LDHAL6A: variants seen among roughly 807,000 people sequenced by gnomAD.
LDHAL6A encodes the protein L-lactate dehydrogenase A-like 6A.
LDHAL6A carries 19 observed loss-of-function variants against 28.2 expected under a neutral mutation model. The ratio of observed to expected loss-of-function variants is 0.67; its 90% CI spans 0.47 to 0.99. LDHAL6A has a LOEUF of 0.99. LDHAL6A is among the 50% of genes least tolerant of loss of function. The pLI, the probability that LDHAL6A is intolerant of heterozygous loss-of-function variation, is 0.00. For missense variants in LDHAL6A, 372 were observed against 398.6 expected, an observed-to-expected ratio of 0.93 and a Z score of 0.57; for synonymous variants, 144 against 134.4, an observed-to-expected ratio of 1.07 and a Z score of -0.49.
Position 18,466,651 on chromosome 11 carries a change from C to CAAAA in LDHAL6A, c.418+858_418+861dup, listed in dbSNP as rs67371371. 3.5e-3 allele frequency among the ~76,000 whole-genome samples: 277 copies of CAAAA among 79,258 alleles called. 1 individual carries two copies. The highest frequency in any genetic ancestry group is 8.3e-3 in the Middle Eastern group (1 of 120). 52.0% of individuals were successfully genotyped at this position (79,258 alleles called of 152,430 possible). A position where few individuals can be genotyped will look rare whatever the true frequency, so the allele number is the denominator to read the frequency against. On this transcript the variant is annotated intron_variant, in intron 3 of 6. Coordinates refer to ENST00000280706, the MANE Select transcript of LDHAL6A (RefSeq NM_144972.5). The stretch of plus-strand genomic sequence containing the variant: ...CCTGGGTCACAGTGAGACCCTGTCT[C>CAAAA]AAAAAAAAAAAAAAAAAAAAGTAGT...
intron 3 of LDHAL6A, among the ~76,000 whole-genome samples, chr11:18,471,075 A>G (rs547455287): frequency 6.6e-6 from 1 of 152,192 alleles, no homozygotes; most frequent in Non-Finnish European, 1.5e-5. Context: ...TATTATGCTG[A>G]TATGAATGTG....
chr11:18,474,917 T>A (rs200968221), intron 3 of LDHAL6A, among the ~76,000 whole-genome samples: 18 of 152,334 alleles, frequency 1.2e-4, no homozygotes, highest in South Asian at 8.3e-4. Flanking sequence ...ATTGATTTTT[T>A]AAAAATCTTT....
In LDHAL6A at chr11:18,456,467, C is replaced by T; in HGVS notation, c.-214C>T. 2 of 534,342 alleles carry T rather than the reference C, an allele frequency of 3.7e-6. No homozygotes were observed. Among genetic ancestry groups the T allele is most frequent in the Non-Finnish European group, 3.3e-6 (1 of 302,582 alleles). 33.1% of individuals were successfully genotyped at this position (534,342 alleles called of 1,614,324 possible). A position where few individuals can be genotyped will look rare whatever the true frequency, so the allele number is the denominator to read the frequency against. On this transcript the variant is annotated 5_prime_UTR_variant, in exon 1 of 7. Coordinates refer to ENST00000280706, the MANE Select transcript of LDHAL6A (RefSeq NM_144972.5). ...ACGCTTCCTTCTCCTTCCCCTGGTC[C>T]GCTTCATGGATGCTGAGCTGCCTGG...
At chr11:18,464,213 C>T (rs562074145) in intron 2 of LDHAL6A, 135 bp downstream of exon 2, 11 of 599,860 alleles carry the variant, frequency 1.8e-5, no homozygotes, top group African/African-American at 7.4e-5. Flanking sequence ...ACTCTCATAA[C>T]GTGTTCAGAT....
Position 18,475,216 on chromosome 11 carries a change from A to G in LDHAL6A, c.419-250A>G, listed in dbSNP as rs1302977889. The G allele has an allele frequency of 1.6e-5, 6 of 374,014 alleles. No homozygotes were observed. The Admixed American group carries it at 2.1e-4, about 13-fold the overall frequency. 23.2% of individuals were successfully genotyped at this position (374,014 alleles called of 1,614,324 possible). A position where few individuals can be genotyped will look rare whatever the true frequency, so the allele number is the denominator to read the frequency against. ...GAGTATTTGTTTATTCATATTTCTCAGAATTTTCTGTGGAGTGAACATTCT... is the reference window on the plus strand; with the variant it reads ...GAGTATTTGTTTATTCATATTTCTCGGAATTTTCTGTGGAGTGAACATTCT... On this transcript the variant is annotated intron_variant, in intron 3 of 6. Transcript: ENST00000280706.
At chr11:18,462,659 A>AAC (rs1565067325) in intron 1 of LDHAL6A, among the ~76,000 whole-genome samples, 20 of 137,436 alleles carry the variant, frequency 1.5e-4, no homozygotes, top group Non-Finnish European at 1.9e-4. Context: ...AACAAACAAA[A>AAC]AAAAAAACAA....
At position 18,477,825 on chromosome 11, in the gene LDHAL6A, G is replaced by C. The variant is rs1023051031; in HGVS notation, c.834+82G>C. The C allele has an allele frequency of 4.4e-6, 6 of 1,352,810 alleles. No individual in the cohort carries two copies. In the African/African-American group the frequency reaches 5.9e-5, roughly 13 times the overall value. The allele number at this position is 1,352,810 out of a possible 1,614,324, so 83.8% of individuals were successfully genotyped here. On this transcript the variant is annotated intron_variant, in intron 6 of 6. Transcript: ENST00000280706. ...ACATTTTTGAGGCACTCTGGTTTTG[G>C]GTTTGATCTCGTGGGAAGCACCTCT...
intron 1 of LDHAL6A, among the ~76,000 whole-genome samples, chr11:18,461,773 AC>A (rs562053339): frequency 1.1e-3 from 163 of 145,798 alleles, no homozygotes; most frequent in African/African-American, 3.9e-3. Context: ...AATCGCTTGA[AC>A]CCGGGAAGGT....
rs1320329256 is a variant in LDHAL6A, at chr11:18,468,014, CAT to C, written c.418+2212_418+2213del. ...ATGCATATATATACGTATATATATA[CAT>C]ATATATACGTATATATATATACATA... On this transcript the variant is annotated intron_variant, in intron 3 of 6. Transcript: ENST00000280706. Among the ~76,000 whole-genome samples the C allele has an allele frequency of 4.2e-4, 25 of 59,962 alleles. 2 individuals are homozygous for C. Among genetic ancestry groups the C allele is most frequent in the African/African-American group, 1.3e-3 (16 of 12,338 alleles). 39.3% of individuals were successfully genotyped at this position (59,962 alleles called of 152,430 possible).
At chr11:18,477,050 C>CA (rs1231532333) in intron 5 of LDHAL6A, among the ~76,000 whole-genome samples, 4 of 151,300 alleles carry the variant, frequency 2.6e-5, no homozygotes, top group Non-Finnish European at 5.9e-5. Context: ...CCTATCTCTA[C>CA]AAAAAAAATA....
intron 3 of LDHAL6A, among the ~76,000 whole-genome samples, chr11:18,472,084 C>T (rs902280547): frequency 6.6e-6 from 1 of 152,146 alleles, no homozygotes; most frequent in African/African-American, 2.4e-5. Context: ...GTTGGGTACC[C>T]TGGGACACAG....
Position 18,477,635 on chromosome 11 carries a change from C to T in LDHAL6A, c.726C>T (p.Val242=), listed in dbSNP as rs760986516. 43 of 1,608,094 alleles carry T rather than the reference C, an allele frequency of 2.7e-5. No individual in the cohort carries two copies. The highest frequency in any genetic ancestry group is 1.2e-4 in the Admixed American group (7 of 58,794). ...CTATCTACAGTGGCTATGAGATGGT[C>T]AAAATGAAAGGTTATACTTCTTGGG... ...KKVISSGYEM[V]KMKGYTSWGI... The change falls in exon 6 of 7, where the codon GTC becomes GTT. Residue 242 remains valine, a synonymous_variant. Transcript: ENST00000280706.
intron 1 of LDHAL6A, among the ~76,000 whole-genome samples, chr11:18,461,834 C>T (rs988541852): frequency 7.0e-6 from 1 of 143,750 alleles, no homozygotes; most frequent in Non-Finnish European, 1.5e-5. Context: ...GCCTGGGCAA[C>T]GAGCAAGATT....
In LDHAL6A at chr11:18,478,774, A is replaced by G. The variant is rs1376704612; in HGVS notation, c.903A>G (p.Thr301=). 4 of 1,613,278 alleles carry G rather than the reference A, an allele frequency of 2.5e-6. No homozygotes were observed. Among genetic ancestry groups the G allele is most frequent in the Non-Finnish European group, 3.4e-6 (4 of 1,179,370 alleles). The change falls in exon 7 of 7, where the codon ACA becomes ACG. Residue 301 remains threonine (T), a synonymous_variant. Coordinates refer to ENST00000280706, the MANE Select transcript of LDHAL6A (RefSeq NM_144972.5). The part of the protein sequence containing the change: ...VPCILGENGI[T]DLIKVKLTLE... Reference sequence around the variant, plus strand: ...GTATCCTGGGAGAGAATGGTATCACAGACCTCATAAAAGTAAAACTGACTC... The same window carrying G: ...GTATCCTGGGAGAGAATGGTATCACGGACCTCATAAAAGTAAAACTGACTC...
At chr11:18,476,637 A>C in intron 5 of LDHAL6A, 136 bp downstream of exon 5, 1 of 1,436,568 alleles carries the variant, frequency 7.0e-7, no homozygotes. Flanking sequence ...TTTCTGTGTG[A>C]TCATATTCAC....
At chr11:18,474,695 T>G (rs1292042991) in intron 3 of LDHAL6A, among the ~76,000 whole-genome samples, 1 of 152,102 alleles carries the variant, frequency 6.6e-6, no homozygotes, top group Admixed American at 6.5e-5. Flanking sequence ...CCTCTGATGC[T>G]GTTTTAAAAA....
At chr11:18,472,215 C>CT (rs1849271780) in intron 3 of LDHAL6A, among the ~76,000 whole-genome samples, 2 of 152,166 alleles carry the variant, frequency 1.3e-5, no homozygotes, top group African/African-American at 2.4e-5. Context: ...TGACGAACCT[C>CT]TTAAGGCCCA....
intron 3 of LDHAL6A, among the ~76,000 whole-genome samples, chr11:18,473,120 T>C (rs1849289517): frequency 6.6e-6 from 1 of 152,208 alleles, no homozygotes; most frequent in South Asian, 2.1e-4. Flanking sequence ...ATTCTATACA[T>C]AGAACACCTC....
chr11:18,477,812 C>T (rs563430213), intron 6 of LDHAL6A, 69 bp downstream of exon 6: 21 of 1,465,098 alleles, frequency 1.4e-5, no homozygotes, highest in African/African-American at 4.3e-5. Flanking sequence ...ATTTTTGAGG[C>T]ACTCTGGTTT....
Sources: allele counts gnomAD v4.1 joint callset (sites outside exome capture counted in the v4.1 genomes callset), GRCh38; gene constraint gnomAD v4.1.1; transcripts MANE v1.5; gene names NCBI Gene and HGNC (gene_info 2026-07-23, HGNC 2026-07-21).